TNFRSF11A: variants seen among roughly 807,000 people sequenced by gnomAD.
The protein encoded by TNFRSF11A is tumor necrosis factor receptor superfamily member 11A.
Under a neutral mutation model 55.7 loss-of-function variants are expected in TNFRSF11A, and 32 were observed. The observed-to-expected ratio is 0.57, with a 90% CI of 0.43 to 0.77. The LOEUF is 0.77. TNFRSF11A is among the 30% of genes least tolerant of loss of function. The pLI is 0.00. For synonymous variants in TNFRSF11A, 311 were observed against 331.0 expected (o/e 0.94, Z 0.65); for missense variants, 753 against 809.8 (o/e 0.93, Z 0.85).
rs1041865208 is a variant in TNFRSF11A at position 62,387,291 on chromosome 18, TAA to T, written c.*2258_*2259del. 8.5e-5 allele frequency: 13 copies of T among 152,126 alleles called. No homozygotes were observed. Among genetic ancestry groups the T allele is most frequent in the Non-Finnish European group, 1.6e-4 (11 of 67,980 alleles). The allele number at this position is 152,126 out of a possible 1,614,324, so 9.4% of individuals were successfully genotyped here. A position where few individuals can be genotyped will look rare whatever the true frequency, so the allele number is the denominator to read the frequency against. On this transcript the variant is annotated 3_prime_UTR_variant, in exon 10 of 10. Transcript: ENST00000586569. ...AATGCTAAAAAATGTATAGAAAATA[TAA>T]GTCTGTGTCTGTGTACTGTAGAGAT...
chr18:62,371,950 G>A (rs1321287906), intron 9 of TNFRSF11A, among the ~76,000 whole-genome samples: 3 of 151,910 alleles, frequency 2.0e-5, no homozygotes, highest in African/African-American at 7.3e-5. Flanking sequence ...ATTTTTATAT[G>A]AGAGGATTTT....
At chr18:62,359,045 A>G (rs1194626703) in intron 5 of TNFRSF11A, among the ~76,000 whole-genome samples, 1 of 152,178 alleles carries the variant, frequency 6.6e-6, no homozygotes, top group Non-Finnish European at 1.5e-5. Context: ...TTGCATACCA[A>G]TAATCAACAT....
At chr18:62,339,559 C>G (rs2046282604) in intron 1 of TNFRSF11A, among the ~76,000 whole-genome samples, 1 of 152,186 alleles carries the variant, frequency 6.6e-6, no homozygotes, top group Non-Finnish European at 1.5e-5. Context: ...CTATATGTGG[C>G]TGTGTCCTCC....
chr18:62,358,391 C>T, intron 5 of TNFRSF11A, 50 bp downstream of exon 5: 1 of 1,523,026 alleles, frequency 6.6e-7, no homozygotes, highest in East Asian at 2.2e-5. Context: ...TTAAACAACT[C>T]AACCTCCACT....
intron 9 of TNFRSF11A, among the ~76,000 whole-genome samples, chr18:62,378,494 T>C (rs1190276925): frequency 2.6e-5 from 4 of 152,238 alleles, no homozygotes; most frequent in Non-Finnish European, 4.4e-5. Context: ...GATGGAAAGA[T>C]AATACTACTC....
rs185028308 is a variant in TNFRSF11A at position 62,383,499 on chromosome 18, A to C, written c.1568-1252A>C. Among the ~76,000 whole-genome samples, 394 of 152,228 alleles carry C rather than the reference A, an allele frequency of 2.6e-3. 1 individual carries two copies. The highest frequency in any genetic ancestry group is 4.2e-3 in the Non-Finnish European group (283 of 68,002). ...GAAGAAAAAGGGGTGAATCGTGAGGAGCCATTTTGACATTCCTGGCCCCTG... is the reference window on the plus strand; with the variant it reads ...GAAGAAAAAGGGGTGAATCGTGAGGCGCCATTTTGACATTCCTGGCCCCTG... On this transcript the variant is annotated intron_variant, in intron 9 of 9. Transcript: ENST00000586569. This position sits in a 1 kb window ranked among gnomAD's most constrained non-coding sequence, Gnocchi z 4.2.
chr18:62,363,570 C>T (rs957381764), intron 7 of TNFRSF11A, among the ~76,000 whole-genome samples: 6 of 151,394 alleles, frequency 4.0e-5, no homozygotes, highest in African/African-American at 1.2e-4. Flanking sequence ...GGTTTCACCA[C>T]GTTGGTCAGG....
chr18:62,362,169 G>A (rs763856041), intron 7 of TNFRSF11A, among the ~76,000 whole-genome samples: 1 of 152,014 alleles, frequency 6.6e-6, no homozygotes, highest in Non-Finnish European at 1.5e-5. Flanking sequence ...CCGGTAGGGG[G>A]GAATTTCTGA....
intron 9 of TNFRSF11A, among the ~76,000 whole-genome samples, chr18:62,381,345 C>T (rs1177596350): frequency 6.6e-6 from 1 of 152,182 alleles, no homozygotes; most frequent in Non-Finnish European, 1.5e-5. Context: ...TGGATTCAGA[C>T]TCATCAGAGG....
At chr18:62,351,027 G>T (rs1350165274) in intron 3 of TNFRSF11A, among the ~76,000 whole-genome samples, 1 of 136,612 alleles carries the variant, frequency 7.3e-6, no homozygotes, top group African/African-American at 2.7e-5. Flanking sequence ...TTTTGAGATG[G>T]AGTCTTGCTC....
intron 1 of TNFRSF11A, among the ~76,000 whole-genome samples, chr18:62,329,487 G>A (rs72931569): frequency 0.046 from 6,988 of 152,268 alleles, 210 homozygotes; most frequent in Non-Finnish European, 0.068. Context: ...ATTGTGGGAC[G>A]GCCTTTCTGT....
rs1911750338 is a variant in TNFRSF11A, at chr18:62,386,535, T to A, written c.*1501T>A. On this transcript the variant is annotated 3_prime_UTR_variant, in exon 10 of 10. Coordinates refer to ENST00000586569, the MANE Select transcript of TNFRSF11A (RefSeq NM_003839.4). ...ATCCCCTGGGTGGTTTTATCTTTTGTTACCCAGTGAGCACTGGTTCCCCGC... is the reference window on the plus strand; with the variant it reads ...ATCCCCTGGGTGGTTTTATCTTTTGATACCCAGTGAGCACTGGTTCCCCGC... 1 of 152,230 alleles carries A rather than the reference T, an allele frequency of 6.6e-6. No individual in the cohort carries two copies. Among genetic ancestry groups the A allele is most frequent in the Non-Finnish European group, 1.5e-5 (1 of 68,036 alleles). 9.4% of individuals were successfully genotyped at this position (152,230 alleles called of 1,614,324 possible). A position where few individuals can be genotyped will look rare whatever the true frequency, so the allele number is the denominator to read the frequency against.
rs1355433612 is a variant in TNFRSF11A at position 62,360,086 on chromosome 18, C to T, written c.616+37C>T. ...AAGAGCCTGTTGGTTGATAGATGTGCCCCAGGGTGGTCAGCTGGTTTAGAT... is the reference window on the plus strand; with the variant it reads ...AAGAGCCTGTTGGTTGATAGATGTGTCCCAGGGTGGTCAGCTGGTTTAGAT... On this transcript the variant is annotated intron_variant, in intron 6 of 9. Transcript: ENST00000586569. The T allele has an allele frequency of 1.9e-6, 3 of 1,580,652 alleles. No homozygotes were observed. The Admixed American group carries it at 5.0e-5, about 26-fold the overall frequency.
In TNFRSF11A at chr18:62,334,872, A is replaced by T. The variant is rs371135773; in HGVS notation, c.75+9445A>T. Reference sequence around the variant, plus strand: ...AGCGGGGTTTAGGGGGAGAATGACAACATGGTGTCACTAATGCACAGTGGC... The same window carrying T: ...AGCGGGGTTTAGGGGGAGAATGACATCATGGTGTCACTAATGCACAGTGGC... On this transcript the variant is annotated intron_variant, in intron 1 of 9. Transcript: ENST00000586569. 1.5e-4 allele frequency among the ~76,000 whole-genome samples: 23 copies of T among 152,290 alleles called. 2 individuals carry two copies. Among genetic ancestry groups the T allele is most frequent in the African/African-American group, 5.5e-4 (23 of 41,556 alleles).
chr18:62,337,622 C>T (rs1054053922), intron 1 of TNFRSF11A, among the ~76,000 whole-genome samples: 1 of 152,198 alleles, frequency 6.6e-6, no homozygotes, highest in Non-Finnish European at 1.5e-5. Context: ...GGCTTGTTCC[C>T]TGGCTTTAAG....
chr18:62,349,229 T>A (rs1286423476), intron 2 of TNFRSF11A, among the ~76,000 whole-genome samples: 1 of 150,598 alleles, frequency 6.6e-6, no homozygotes, highest in African/African-American at 2.4e-5. Context: ...CAGGCTGGAG[T>A]GCAGTGGCAT....
intron 1 of TNFRSF11A, among the ~76,000 whole-genome samples, chr18:62,333,625 G>C (rs529702156): frequency 6.6e-6 from 1 of 152,220 alleles, no homozygotes; most frequent in African/African-American, 2.4e-5. Context: ...TGCACAGCTA[G>C]TGAGTGGCAG....
intron 1 of TNFRSF11A, among the ~76,000 whole-genome samples, chr18:62,341,177 A>C (rs2046305422): frequency 6.6e-6 from 1 of 152,378 alleles, no homozygotes. Flanking sequence ...CCTTCACCCA[A>C]GTGTGGCTCG....
At chr18:62,347,149 C>T (rs1057373760) in intron 1 of TNFRSF11A, among the ~76,000 whole-genome samples, 1 of 152,166 alleles carries the variant, frequency 6.6e-6, no homozygotes, top group African/African-American at 2.4e-5. Flanking sequence ...TGTTTCATTC[C>T]ACTCTAAGAC....
Sources: gnomAD v4.1 joint callset for allele counts (sites outside exome capture counted in the v4.1 genomes callset) on GRCh38, gnomAD v4.1.1 for gene constraint, Gnocchi (gnomAD v3.1) non-coding constraint, MANE v1.5 for transcripts, NCBI Gene and HGNC (gene_info 2026-07-23, HGNC 2026-07-21) for gene names.